The following SLCO1B1 variants were observed in gnomAD, a reference collection of about 807,000 sequenced individuals.
SLCO1B1 encodes the protein OATP-2.
SLCO1B1 carries 81 observed loss-of-function variants against 70.1 expected under a neutral mutation model. The observed-to-expected ratio is 1.16, with a 90% CI of 0.97 to 1.39. The LOEUF (loss-of-function observed/expected upper bound fraction) is 1.39. Ranked by LOEUF, SLCO1B1 falls within the 40% of genes most tolerant of loss-of-function variation. The probability of loss-of-function intolerance (pLI) is 0.00; values close to 1 mark genes in which losing one functional copy is unlikely to be tolerated. For missense variants in SLCO1B1, 895 were observed against 799.6 expected, an observed-to-expected ratio of 1.12 and a Z score of -1.44; for synonymous variants, 283 against 271.5, an observed-to-expected ratio of 1.04 and a Z score of -0.42.
Position 21,141,371 on chromosome 12 carries a change from C to A in SLCO1B1, c.-61-143C>A, listed in dbSNP as rs550371797. The A allele has an allele frequency of 2.2e-4, 86 of 389,398 alleles. 1 individual carries two copies. In the Admixed American group the frequency reaches 2.6e-3, roughly 12 times the overall value. The allele number at this position is 389,398 out of a possible 1,614,324, so 24.1% of individuals were successfully genotyped here. The stretch of plus-strand genomic sequence containing the variant: ...TTCCTACTTTTGTTTCCAGCATTGA[C>A]CTAGCAGAGTGGTAACGACATAGTA... On this transcript the variant is annotated intron_variant, in intron 1 of 14. Transcript: ENST00000256958.
At chr12:21,157,737 G>A (rs1366643739) in intron 2 of SLCO1B1, among the ~76,000 whole-genome samples, 2 of 151,768 alleles carry the variant, frequency 1.3e-5, no homozygotes, top group African/African-American at 4.8e-5. Context: ...AAGTAGCTGG[G>A]ACTACAGGCG....
chr12:21,201,580 A>C (rs1941158461), intron 9 of SLCO1B1, among the ~76,000 whole-genome samples: 1 of 152,110 alleles, frequency 6.6e-6, no homozygotes, highest in Admixed American at 6.6e-5. Context: ...AGATATATTA[A>C]TTTTTATGTT....
chr12:21,149,505 G>A (rs1940437656), intron 2 of SLCO1B1, among the ~76,000 whole-genome samples: 1 of 152,150 alleles, frequency 6.6e-6, no homozygotes. Context: ...GAGGTACCCA[G>A]CTCATCTCTT....
chr12:21,166,544 A>G (rs1290375145), intron 2 of SLCO1B1, among the ~76,000 whole-genome samples: 1 of 152,212 alleles, frequency 6.6e-6, no homozygotes, highest in Non-Finnish European at 1.5e-5. Flanking sequence ...AAAATGCTCC[A>G]CATCCCGTCA....
intron 1 of SLCO1B1, among the ~76,000 whole-genome samples, chr12:21,137,683 G>A (rs1308694618): frequency 6.6e-6 from 1 of 152,164 alleles, no homozygotes; most frequent in Non-Finnish European, 1.5e-5. Context: ...TAAGCCGGTT[G>A]GAAAAGCACA....
At chr12:21,216,146 G>GTATT (rs942068995) in intron 11 of SLCO1B1, among the ~76,000 whole-genome samples, 7 of 151,890 alleles carry the variant, frequency 4.6e-5, no homozygotes, top group Admixed American at 2.6e-4. Context: ...ATTTATTTGT[G>GTATT]TATTTATTTA....
intron 13 of SLCO1B1, among the ~76,000 whole-genome samples, chr12:21,224,339 A>C (rs1941461526): frequency 6.6e-6 from 1 of 152,140 alleles, no homozygotes; most frequent in African/African-American, 2.4e-5. Context: ...CTTTCCCCAT[A>C]AAATTGTAAT....
At chr12:21,206,091 A>C in intron 11 of SLCO1B1, 58 bp downstream of exon 11, 1 of 1,388,794 alleles carries the variant, frequency 7.2e-7, no homozygotes, top group Non-Finnish European at 1.0e-6. Flanking sequence ...AGATTGAACA[A>C]TTTTTTACCA....
At position 21,239,042 on chromosome 12, in the gene SLCO1B1, A is replaced by C. The variant is rs34671512; in HGVS notation, c.1929A>C (p.Leu643Phe). 80,149 of 1,592,164 alleles carry C rather than the reference A, an allele frequency of 0.05. 2,239 individuals carry two copies. The highest frequency in any genetic ancestry group is 0.065 in the African/African-American group (4,832 of 74,424). Residue 643 changes from leucine to phenylalanine, a missense_variant, in exon 15 of 15, where the codon TTA becomes TTC. Leu to Phe is a conservative substitution (Grantham distance 22). Transcript: ENST00000256958. ...RVSSLVLYII[L>F]IYAMKKKYQE... ...CATCACTTGTTTTATATATTATATT[A>C]ATTTATGCCATGAAGAAAAAATATC...
chr12:21,191,647 C>G (rs529585608), intron 7 of SLCO1B1, among the ~76,000 whole-genome samples: 5 of 152,144 alleles, frequency 3.3e-5, no homozygotes, highest in Non-Finnish European at 7.4e-5. Flanking sequence ...GTTAATTGCT[C>G]TGGCATAAAA....
At chr12:21,196,887 C>T (rs199773642) in intron 7 of SLCO1B1, 59 bp from the exon 8 acceptor site, 191 of 1,529,970 alleles carry the variant, frequency 1.2e-4, no homozygotes, top group Non-Finnish European at 1.7e-4. Context: ...CCATTATTTC[C>T]CTGAACCTAT....
chr12:21,217,008 T>C (rs1358402425), intron 11 of SLCO1B1, 111 bp from the exon 12 acceptor site: 9 of 808,330 alleles, frequency 1.1e-5, no homozygotes, highest in Non-Finnish European at 1.9e-5. Flanking sequence ...TCTTAAACTG[T>C]AAATATATTA....
chr12:21,131,994 A>G (rs1940142691), intron 1 of SLCO1B1, among the ~76,000 whole-genome samples: 1 of 151,168 alleles, frequency 6.6e-6, no homozygotes, highest in South Asian at 2.1e-4. Context: ...CCTCTCCCCC[A>G]CCCCACAACA....
chr12:21,178,497 A>G, intron 5 of SLCO1B1, 79 bp from the exon 6 acceptor site: 1 of 987,782 alleles, frequency 1.0e-6, no homozygotes, highest in Admixed American at 2.1e-5. Flanking sequence ...TAGAATAATT[A>G]AGAGTTTACA....
intron 12 of SLCO1B1, 47 bp from the exon 13 acceptor site, chr12:21,222,253 G>C: frequency 1.1e-6 from 1 of 894,226 alleles, no homozygotes. Flanking sequence ...GTTTCGTTTT[G>C]ATATTTTAAT....
intron 2 of SLCO1B1, among the ~76,000 whole-genome samples, chr12:21,142,337 A>G (rs2121041648): frequency 6.6e-6 from 1 of 152,126 alleles, no homozygotes. Context: ...CACAATGCTA[A>G]ATGAGAAGCC....
chr12:21,138,000 A>C (rs1940252289), intron 1 of SLCO1B1, among the ~76,000 whole-genome samples: 2 of 152,286 alleles, frequency 1.3e-5, no homozygotes, highest in South Asian at 4.1e-4. Context: ...CACAGTTTTT[A>C]GCATGAACTA....
At chr12:21,154,576 T>C (rs1306993865) in intron 2 of SLCO1B1, among the ~76,000 whole-genome samples, 1 of 152,120 alleles carries the variant, frequency 6.6e-6, no homozygotes, top group Non-Finnish European at 1.5e-5. Flanking sequence ...CTCTTTACCC[T>C]CTATACAATA....
chr12:21,233,583 AAC>A lies in SLCO1B1; in HGVS notation c.1866-5394_1866-5393del, dbSNP rs1184541534. ...AAAAACAAACAAACAAAAAAAAAAA[AAC>A]AAGAGCCCCAAAGGAGCCAAACCAA... On this transcript the variant is annotated intron_variant, in intron 14 of 14. Coordinates refer to ENST00000256958, the MANE Select transcript of SLCO1B1 (RefSeq NM_006446.5). Among the ~76,000 whole-genome samples the A allele has an allele frequency of 7.8e-4, 101 of 130,208 alleles. 1 individual carries two copies. In the East Asian group the frequency reaches 0.019, roughly 24 times the overall value. The allele number at this position is 130,208 out of a possible 152,430, so 85.4% of individuals were successfully genotyped here. A position where few individuals can be genotyped will look rare whatever the true frequency, so the allele number is the denominator to read the frequency against.
Sources: allele counts gnomAD v4.1 joint callset (sites outside exome capture counted in the v4.1 genomes callset), GRCh38; gene constraint gnomAD v4.1.1; transcripts MANE v1.5; gene names NCBI Gene and HGNC (gene_info 2026-07-23, HGNC 2026-07-21).